The following ZNF254 variants were observed in gnomAD, a reference collection of about 807,000 sequenced individuals.
The protein encoded by ZNF254 is CTD-2017D11.1.
A neutral mutation model predicts 12.4 loss-of-function variants in ZNF254; 10 were observed. The observed-to-expected ratio is 0.80, with a 90% CI of 0.50 to 1.36. The LOEUF is 1.36. ZNF254 is among the 40% of genes most tolerant of loss of function. ZNF254 has a pLI of 0.00. For missense variants in ZNF254, 996 were observed against 763.9 expected (o/e 1.30, Z -3.58); for synonymous variants, 305 against 253.4 (o/e 1.20, Z -1.93).
upstream of ZNF254, among the ~76,000 whole-genome samples, chr19:24,084,402 T>C (rs1247357527): frequency 3.3e-5 from 5 of 151,798 alleles, no homozygotes; most frequent in Admixed American, 6.6e-5. Context: ...GGGTACTCAG[T>C]GGCAAGGGTA....
At position 24,055,205 on chromosome 19, in the gene ZNF254, CAAAAAAAAAAAAAAA is replaced by C. The variant is rs71167733; in HGVS notation, c.-94+8939_-94+8953del. Among the ~76,000 whole-genome samples, 7 of 28,326 alleles carry C rather than the reference CAAAAAAAAAAAAAAA, an allele frequency of 2.5e-4. 1 individual carries two copies. The highest frequency in any genetic ancestry group is 5.4e-3 in the South Asian group (2 of 368). 18.6% of individuals were successfully genotyped at this position (28,326 alleles called of 152,430 possible). A position where few individuals can be genotyped will look rare whatever the true frequency, so the allele number is the denominator to read the frequency against. ...GTGATAGTGCGAGACTCTGTCTCAC[CAAAAAAAAAAAAAAA>C]AAAAAAAAAAAAGAGTGTACTAACA... On this transcript the variant is annotated intron_variant, in intron 2 of 4. Transcript: ENST00000613065.
chr19:24,036,803 G>A (rs1343822498), intron 1 of ZNF254, among the ~76,000 whole-genome samples: 3 of 152,128 alleles, frequency 2.0e-5, no homozygotes, highest in African/African-American at 7.2e-5. Context: ...TCTGAAAACA[G>A]ACTCCCTGCC....
chr19:24,113,537 AAAT>A (rs1464086253), intron 3 of ZNF254, among the ~76,000 whole-genome samples: 1 of 152,188 alleles, frequency 6.6e-6, no homozygotes, highest in African/African-American at 2.4e-5. Flanking sequence ...ACGTATCTCA[AAAT>A]AATAAGAGCT....
rs552099270 is a variant in ZNF254 at position 24,090,585 on chromosome 19, C to T, written c.30+3248C>T. On this transcript the variant is annotated intron_variant, in intron 1 of 3. Coordinates refer to ENST00000357002, the MANE Select transcript of ZNF254 (RefSeq NM_203282.4). ...CCAAGTAGCTGGGACTACAGGTGTG[C>T]ACCACCACACTCAGCTAGTTTCTGT... Among the ~76,000 whole-genome samples the T allele has an allele frequency of 3.8e-3, 571 of 152,092 alleles. 3 individuals are homozygous for T. Among genetic ancestry groups the T allele is most frequent in the Non-Finnish European group, 6.7e-3 (455 of 68,004 alleles).
At chr19:24,053,346 T>A (rs956187193) in intron 2 of ZNF254, among the ~76,000 whole-genome samples, 2 of 152,166 alleles carry the variant, frequency 1.3e-5, no homozygotes, top group Non-Finnish European at 2.9e-5. Context: ...AACTAAGAAA[T>A]GTGTGAAATT....
At position 24,126,650 on chromosome 19, in the gene ZNF254, A is replaced by T; in HGVS notation, c.650A>T (p.Lys217Ile). The T allele has an allele frequency of 6.2e-7, 1 of 1,611,938 alleles. No individual in the cohort carries two copies. The highest frequency in any genetic ancestry group is 8.5e-7 in the Non-Finnish European group (1 of 1,179,430). ...TCCTACAAATGTAAAGAATGTGGAA[A>T]AACCTTTAATTGGTCCTCAACCCTT... is the stretch of plus-strand genomic sequence containing the variant. The part of the protein sequence containing the change: ...EKSYKCKECG[K>I]TFNWSSTLTN... Residue 217 changes from lysine (K) to isoleucine (I), a missense_variant, in exon 4 of 4, where the codon AAA (lysine) becomes ATA (isoleucine). Transcript: ENST00000357002.
At position 24,063,047 on chromosome 19, in the gene ZNF254, T is replaced by A. The variant is rs139600334; in HGVS notation, c.-94+16768T>A. 2.9e-3 allele frequency among the ~76,000 whole-genome samples: 448 copies of A among 152,250 alleles called. 1 individual carries two copies. The highest frequency in any genetic ancestry group is 0.01 in the African/African-American group (431 of 41,554). On this transcript the variant is annotated intron_variant, in intron 2 of 4. Coordinates refer to the ZNF254 transcript ENST00000613065. The stretch of plus-strand genomic sequence containing the variant: ...AACTCCTGACCTCAAGTGATCCACT[T>A]ACCTCAGCCTCCCAAAGTGCTGGGA...
intron 2 of ZNF254, among the ~76,000 whole-genome samples, chr19:24,060,661 A>G (rs1971032017): frequency 6.6e-6 from 1 of 152,140 alleles, no homozygotes. Context: ...CACACAAATG[A>G]TTCTATTCTT....
At position 24,106,528 on chromosome 19, in the gene ZNF254, A is replaced by G. The variant is rs1973350130; in HGVS notation, c.158-20A>G. ...TGGAGAATATAAGCAAGATTCATTT[A>G]GTTATTTTTAATAAAACAGGTATTG... On this transcript the variant is annotated intron_variant, in intron 2 of 3. Transcript: ENST00000357002. 4 of 1,553,170 alleles carry G rather than the reference A, an allele frequency of 2.6e-6. No individual in the cohort carries two copies. Among genetic ancestry groups the G allele is most frequent in the Non-Finnish European group, 3.5e-6 (4 of 1,141,322 alleles).
intron 1 of ZNF254, among the ~76,000 whole-genome samples, chr19:24,045,771 T>C (rs1568424173): frequency 6.6e-6 from 1 of 151,984 alleles, no homozygotes; most frequent in Non-Finnish European, 1.5e-5. Flanking sequence ...ACTCCTGAAT[T>C]AGTCTCAGAG....
chr19:24,120,890 C>G (rs1199509304), intron 3 of ZNF254, among the ~76,000 whole-genome samples: 1 of 152,030 alleles, frequency 6.6e-6, no homozygotes, highest in Non-Finnish European at 1.5e-5. Flanking sequence ...CCAGGATGGT[C>G]TCAATCTCCT....
intron 1 of ZNF254, among the ~76,000 whole-genome samples, chr19:24,099,480 T>C (rs1472568064): frequency 6.6e-6 from 1 of 152,168 alleles, no homozygotes; most frequent in African/African-American, 2.4e-5. Flanking sequence ...GCTAGCACAG[T>C]CTTCAGGGAG....
intron 1 of ZNF254, among the ~76,000 whole-genome samples, chr19:24,092,411 C>G (rs1405005467): frequency 6.7e-6 from 1 of 150,242 alleles, no homozygotes; most frequent in Non-Finnish European, 1.5e-5. Flanking sequence ...CTCAGGTGAT[C>G]CACCCTCCCC....
In ZNF254 at chr19:24,126,378, TA is replaced by T; in HGVS notation, c.382del (p.Ser128ValfsTer7). ...HENLQLRKGC[K>X]SVDEYKVNKE... Reference sequence around the variant, plus strand: ...AGAATTTACAGTTAAGAAAAGGCTGTAAAAGTGTGGATGAGTATAAGGTGAA... The same window carrying T: ...AGAATTTACAGTTAAGAAAAGGCTGTAAAGTGTGGATGAGTATAAGGTGAA... On this transcript the variant is annotated frameshift_variant, in exon 4 of 4. Coordinates refer to ENST00000357002, the MANE Select transcript of ZNF254 (RefSeq NM_203282.4). LOFTEE classifies it low-confidence loss of function (END_TRUNC). 6.2e-7 allele frequency: 1 copy of T among 1,610,348 alleles called. No individual in the cohort carries two copies. Among genetic ancestry groups the T allele is most frequent in the Non-Finnish European group, 8.5e-7 (1 of 1,178,682 alleles).
intron 1 of ZNF254, among the ~76,000 whole-genome samples, chr19:24,097,109 G>A (rs1289402294): frequency 6.6e-6 from 1 of 152,076 alleles, no homozygotes; most frequent in Non-Finnish European, 1.5e-5. Context: ...CATATTAACA[G>A]CAAAATAAAA....
chr19:24,057,018 A>G (rs1265313492), intron 2 of ZNF254, among the ~76,000 whole-genome samples: 4 of 152,216 alleles, frequency 2.6e-5, no homozygotes, highest in Non-Finnish European at 5.9e-5. Context: ...AAACCAGTCA[A>G]TAGGAGACAT....
At position 24,045,374 on chromosome 19, in the gene ZNF254, A is replaced by G. The variant is rs867806738; in HGVS notation, c.-189-810A>G. Among the ~76,000 whole-genome samples, 6 of 152,230 alleles carry G rather than the reference A, an allele frequency of 3.9e-5. No individual in the cohort carries two copies. In the South Asian group the frequency reaches 1.2e-3, roughly 32 times the overall value. ...CCCCCCTCCCCTTGTAGACTGAGGT[A>G]TAAAAGGAAATCTGGCCGGGCGTGG... On this transcript the variant is annotated intron_variant, in intron 1 of 4. Transcript: ENST00000613065.
chr19:24,055,754 T>C (rs1002547300), intron 2 of ZNF254, among the ~76,000 whole-genome samples: 2 of 152,156 alleles, frequency 1.3e-5, no homozygotes, highest in Non-Finnish European at 2.9e-5. Flanking sequence ...AGAGCAAGAT[T>C]CAGCATGCGT....
upstream of ZNF254, among the ~76,000 whole-genome samples, chr19:24,083,110 T>C (rs1320568160): frequency 6.6e-6 from 1 of 152,174 alleles, no homozygotes; most frequent in Admixed American, 6.5e-5. Context: ...ATCAATTCAG[T>C]AAAGTTTTAG....
Sources: gnomAD v4.1 joint callset for allele counts (sites outside exome capture counted in the v4.1 genomes callset) on GRCh38, gnomAD v4.1.1 for gene constraint, MANE v1.5 for transcripts, NCBI Gene and HGNC (gene_info 2026-07-23, HGNC 2026-07-21) for gene names.